Variants in DLGAP2 observed in about 807,000 individuals in gnomAD.
DLGAP2 encodes disks large-associated protein 2.
In DLGAP2, 26 loss-of-function variants were observed where a neutral mutation model predicts 100.3. The ratio of observed to expected loss-of-function variants is 0.26; its 90% CI spans 0.19 to 0.36. DLGAP2 has a LOEUF of 0.36. DLGAP2 is among the 10% of genes least tolerant of loss of function. The pLI, the probability that DLGAP2 is intolerant of heterozygous loss-of-function variation, is 1.00. For synonymous variants in DLGAP2, 886 were observed against 630.1 expected, an observed-to-expected ratio of 1.41 and a Z score of -6.08; for missense variants, 1,858 against 1,453.2, an observed-to-expected ratio of 1.28 and a Z score of -4.53.
intron 1 of DLGAP2, among the ~76,000 whole-genome samples, chr8:770,185 A>G (rs1821321257): frequency 6.6e-6 from 1 of 152,174 alleles, no homozygotes; most frequent in Non-Finnish European, 1.5e-5. Flanking sequence ...CAGTGTTGCT[A>G]CAATTTGCCT....
At chr8:908,875 C>G (rs749321536) in intron 2 of DLGAP2, among the ~76,000 whole-genome samples, 1 of 152,248 alleles carries the variant, frequency 6.6e-6, no homozygotes, top group Admixed American at 6.5e-5. Context: ...TACTTGTTTT[C>G]TAGCTATAAC....
intron 1 of DLGAP2, among the ~76,000 whole-genome samples, chr8:897,809 T>C (rs1293818198): frequency 6.6e-6 from 1 of 152,166 alleles, no homozygotes; most frequent in Non-Finnish European, 1.5e-5. Flanking sequence ...AGGAAAACAT[T>C]GATCCCAGCT....
At chr8:1,062,716 T>C (rs1229057534) in intron 2 of DLGAP2, among the ~76,000 whole-genome samples, 2 of 152,144 alleles carry the variant, frequency 1.3e-5, no homozygotes, top group African/African-American at 4.8e-5. Flanking sequence ...ATAGTCGTTG[T>C]GATAGCAGCT....
At chr8:1,463,655 C>G (rs931450186) in intron 3 of DLGAP2, among the ~76,000 whole-genome samples, 8 of 152,236 alleles carry the variant, frequency 5.3e-5, no homozygotes, top group African/African-American at 1.7e-4. Context: ...TCGGGATACC[C>G]AAATCTCACT....
intron 2 of DLGAP2, among the ~76,000 whole-genome samples, chr8:968,233 T>C (rs1799928143): frequency 6.6e-6 from 1 of 152,320 alleles, no homozygotes; most frequent in South Asian, 2.1e-4. Flanking sequence ...AAGATGATTA[T>C]GACAGCTATG....
chr8:1,183,089 G>C (rs1585129827), intron 2 of DLGAP2, among the ~76,000 whole-genome samples: 1 of 152,148 alleles, frequency 6.6e-6, no homozygotes, highest in South Asian at 2.1e-4. Context: ...GAGCTGGGAT[G>C]ACACAAATGC....
chr8:1,627,798 C>A (rs551382719), intron 7 of DLGAP2, among the ~76,000 whole-genome samples: 9 of 144,628 alleles, frequency 6.2e-5, no homozygotes, highest in African/African-American at 2.0e-4. Context: ...GAGCCTGAGC[C>A]GACCTCACAT....
At chr8:1,117,102 TG>T (rs1009966570) in intron 2 of DLGAP2, among the ~76,000 whole-genome samples, 2 of 152,208 alleles carry the variant, frequency 1.3e-5, no homozygotes, top group Non-Finnish European at 2.9e-5. Context: ...TTCATCTCCT[TG>T]GGACCCAGCA....
chr8:1,522,088 GTGT>G (rs1179629492), intron 4 of DLGAP2, among the ~76,000 whole-genome samples: 1 of 151,626 alleles, frequency 6.6e-6, no homozygotes, highest in African/African-American at 2.4e-5. Context: ...GTGATTTGGG[GTGT>G]CTCTGGTTTG....
At chr8:891,988 A>AT (rs1798044970) in intron 1 of DLGAP2, among the ~76,000 whole-genome samples, 1 of 152,258 alleles carries the variant, frequency 6.6e-6, no homozygotes, top group Non-Finnish European at 1.5e-5. Flanking sequence ...GTAAGTGTGC[A>AT]TGAGTCAGTG....
At chr8:1,355,290 C>T (rs922773960) in intron 3 of DLGAP2, among the ~76,000 whole-genome samples, 1 of 152,238 alleles carries the variant, frequency 6.6e-6, no homozygotes, top group African/African-American at 2.4e-5. Context: ...CAGGCAGTAA[C>T]AGGGGTTGTC....
intron 3 of DLGAP2, among the ~76,000 whole-genome samples, chr8:1,353,348 A>G (rs1022113678): frequency 5.9e-5 from 9 of 152,234 alleles, no homozygotes; most frequent in Non-Finnish European, 1.0e-4. Context: ...AGTAATGCAC[A>G]TTCATTAGAA....
chr8:1,307,588 A>G lies in DLGAP2; in HGVS notation c.106+48705A>G, dbSNP rs1004694081. Among the ~76,000 whole-genome samples the G allele has an allele frequency of 1.2e-4, 18 of 152,252 alleles. 1 individual carries two copies. Among genetic ancestry groups the G allele is most frequent in the African/African-American group, 2.4e-5 (1 of 41,474 alleles). On this transcript the variant is annotated intron_variant, in intron 3 of 14. Coordinates refer to ENST00000637795, the MANE Select transcript of DLGAP2 (RefSeq NM_001346810.2). ...CTCATGCTCAAGCAGTATTAGTTAC[A>G]GTAGCCAAAGATGGAAGCAGCCCAC... is the stretch of plus-strand genomic sequence containing the variant.
At chr8:930,717 C>T (rs897386398) in intron 2 of DLGAP2, among the ~76,000 whole-genome samples, 1 of 152,198 alleles carries the variant, frequency 6.6e-6, no homozygotes, top group Admixed American at 6.5e-5. Flanking sequence ...GGAGACCCCA[C>T]ACTGCAGAGA....
At chr8:805,514 G>A (rs771008660) in intron 1 of DLGAP2, among the ~76,000 whole-genome samples, 1 of 152,176 alleles carries the variant, frequency 6.6e-6, no homozygotes, top group Non-Finnish European at 1.5e-5. Flanking sequence ...CTCCCAGCTC[G>A]CAATCGGGTT....
chr8:1,114,776 A>G (rs1444414439), intron 2 of DLGAP2, among the ~76,000 whole-genome samples: 1 of 151,632 alleles, frequency 6.6e-6, no homozygotes, highest in African/African-American at 2.4e-5. Context: ...AATTCTTTTA[A>G]TTGTGATGTT....
chr8:1,242,041 G>T lies in DLGAP2; in HGVS notation c.74-16810G>T, dbSNP rs1478603220. Among the ~76,000 whole-genome samples the T allele has an allele frequency of 1.3e-5, 2 of 152,182 alleles. 1 individual carries two copies. The highest frequency in any genetic ancestry group is 4.1e-4 in the South Asian group (2 of 4,828). ...GCAGGTAGACTTGCTTTGATGATTG[G>T]CGTATATTCCAGTATAATTTGGTAT... On this transcript the variant is annotated intron_variant, in intron 2 of 14. Coordinates refer to ENST00000637795, the MANE Select transcript of DLGAP2 (RefSeq NM_001346810.2).
intron 3 of DLGAP2, among the ~76,000 whole-genome samples, chr8:1,384,414 C>T (rs1212083797): frequency 3.2e-5 from 3 of 94,666 alleles, no homozygotes; most frequent in Admixed American, 3.0e-4. Context: ...GCTCAGTTAC[C>T]CCGGCCTGTG....
chr8:1,253,464 C>G (rs1386621707), intron 2 of DLGAP2, among the ~76,000 whole-genome samples: 2 of 152,216 alleles, frequency 1.3e-5, no homozygotes, highest in Non-Finnish European at 2.9e-5. Flanking sequence ...GCTGCCTCTC[C>G]AAAAATATGT....
Sources: gnomAD v4.1 joint callset for allele counts (sites outside exome capture counted in the v4.1 genomes callset) on GRCh38, gnomAD v4.1.1 for gene constraint, MANE v1.5 for transcripts, NCBI Gene and HGNC (gene_info 2026-07-23, HGNC 2026-07-21) for gene names.